The following CHP1 variants were observed in gnomAD, a reference collection of about 807,000 sequenced individuals.
CHP1 encodes the protein calcineurin like EF-hand protein 1.
CHP1 carries 11 observed loss-of-function variants against 27.4 expected under a neutral mutation model. That is an observed-to-expected ratio of 0.40 (90% CI 0.25 to 0.67). The LOEUF (loss-of-function observed/expected upper bound fraction) is 0.67. Among genes scored for constraint, CHP1 ranks in the 30% least tolerant of loss-of-function variants. The probability of loss-of-function intolerance (pLI) is 0.38; values close to 1 mark genes in which losing one functional copy is unlikely to be tolerated. For synonymous variants in CHP1, 89 were observed against 87.4 expected (o/e 1.02, Z -0.10); for missense variants, 169 against 251.3 (o/e 0.67, Z 2.22).
intron 2 of CHP1, among the ~76,000 whole-genome samples, chr15:41,251,856 T>C (rs1034709572): frequency 2.0e-5 from 3 of 151,190 alleles, no homozygotes; most frequent in African/African-American, 7.3e-5. Context: ...TTGCCCAGGC[T>C]GGTCTCGGAC....
chr15:41,238,197 A>G (rs77704143), intron 1 of CHP1, among the ~76,000 whole-genome samples: 4,075 of 151,400 alleles, frequency 0.027, 192 homozygotes, highest in African/African-American at 0.094. Context: ...TCACTCTGTC[A>G]CCCAGGTTGG....
intron 5 of CHP1, among the ~76,000 whole-genome samples, chr15:41,274,870 G>A (rs961190087): frequency 9.6e-5 from 14 of 145,922 alleles, no homozygotes; most frequent in African/African-American, 2.5e-4. Context: ...AGCTCACTGC[G>A]ACCTCCACCT....
At chr15:41,235,368 TA>T (rs1218754962) in intron 1 of CHP1, among the ~76,000 whole-genome samples, 1 of 151,702 alleles carries the variant, frequency 6.6e-6, no homozygotes, top group Non-Finnish European at 1.5e-5. Flanking sequence ...AAAATAAATT[TA>T]AAAAAAATTA....
Position 41,278,815 on chromosome 15 carries a change from A to G in CHP1, c.460A>G (p.Ser154Gly). 6.2e-7 allele frequency: 1 copy of G among 1,614,202 alleles called. No individual in the cohort carries two copies. The part of the protein sequence containing the change: ...GVNISDEQLG[S>G]IADRTIQEAD... ...AAATATCTCAGATGAGCAGCTGGGC[A>G]GCATCGCAGACAGGACCATTCAGGA... Residue 154 changes from serine to glycine, a missense_variant, in exon 6 of 7, where the codon AGC becomes GGC. Coordinates refer to ENST00000334660, the MANE Select transcript of CHP1 (RefSeq NM_007236.5).
In CHP1 at chr15:41,268,707, C is replaced by T. The variant is rs151022047; in HGVS notation, c.350-1850C>T. Among the ~76,000 whole-genome samples, 246 of 149,414 alleles carry T rather than the reference C, an allele frequency of 1.6e-3. 1 individual carries two copies. The highest frequency in any genetic ancestry group is 5.9e-3 in the African/African-American group (238 of 40,618). The stretch of plus-strand genomic sequence containing the variant: ...CTGTAATCCCAGCACTTTGGGAGGC[C>T]GAGGTGGTTAGATCATGCGGTTAGA... On this transcript the variant is annotated intron_variant, in intron 4 of 6. Coordinates refer to ENST00000334660, the MANE Select transcript of CHP1 (RefSeq NM_007236.5).
intron 5 of CHP1, among the ~76,000 whole-genome samples, chr15:41,271,396 C>G (rs2047489046): frequency 6.6e-6 from 1 of 151,934 alleles, no homozygotes; most frequent in African/African-American, 2.4e-5. Context: ...CCACTGCACT[C>G]CAGCCTGAGC....
chr15:41,256,817 T>A, intron 2 of CHP1, 93 bp from the exon 3 acceptor site: 8 of 977,886 alleles, frequency 8.2e-6, no homozygotes, highest in Non-Finnish European at 1.3e-5. Flanking sequence ...GGAGGTAATA[T>A]TCTTGCTAGG....
chr15:41,249,684 G>T (rs1404596504), intron 2 of CHP1, among the ~76,000 whole-genome samples: 1 of 151,860 alleles, frequency 6.6e-6, no homozygotes, highest in Non-Finnish European at 1.5e-5. Flanking sequence ...GTGTTAGCCA[G>T]GATGGTTTTG....
intron 6 of CHP1, 97 bp downstream of exon 6, chr15:41,278,986 G>A: frequency 2.7e-6 from 4 of 1,476,372 alleles, no homozygotes; most frequent in East Asian, 4.7e-5. Context: ...GCCAAGGTGG[G>A]CGGATCACGA....
intron 1 of CHP1, among the ~76,000 whole-genome samples, chr15:41,234,963 GAAATA>G (rs2047269477): frequency 6.6e-6 from 1 of 152,126 alleles, no homozygotes; most frequent in African/African-American, 2.4e-5. Flanking sequence ...CAATTATAAG[GAAATA>G]AAATTTTTAA....
chr15:41,247,861 C>T (rs971060825), intron 2 of CHP1, among the ~76,000 whole-genome samples: 61 of 140,558 alleles, frequency 4.3e-4, no homozygotes, highest in Middle Eastern at 9.0e-3. Flanking sequence ...CCCAGCTACT[C>T]GGGAGGCTGA....
intron 5 of CHP1, among the ~76,000 whole-genome samples, chr15:41,274,321 G>T (rs1315725342): frequency 6.6e-6 from 1 of 152,184 alleles, no homozygotes; most frequent in Non-Finnish European, 1.5e-5. Flanking sequence ...ACTGAGCTGG[G>T]AATGGAGGCC....
intron 1 of CHP1, among the ~76,000 whole-genome samples, chr15:41,237,223 T>C (rs2047282147): frequency 1.3e-5 from 2 of 151,394 alleles, no homozygotes; most frequent in African/African-American, 4.9e-5. Context: ...CTCAGCTCAC[T>C]GCAACCTCCG....
intron 3 of CHP1, among the ~76,000 whole-genome samples, chr15:41,260,694 C>T (rs1182116232): frequency 2.0e-5 from 3 of 151,048 alleles, no homozygotes; most frequent in Admixed American, 1.3e-4. Flanking sequence ...TGTGCCTGGC[C>T]TAAAAGATTA....
At chr15:41,271,393 A>T (rs1187386985) in intron 5 of CHP1, among the ~76,000 whole-genome samples, 1 of 152,096 alleles carries the variant, frequency 6.6e-6, no homozygotes, top group Non-Finnish European at 1.5e-5. Context: ...GTGCCACTGC[A>T]CTCCAGCCTG....
At chr15:41,255,502 AC>A (rs1292421404) in intron 2 of CHP1, among the ~76,000 whole-genome samples, 1 of 149,526 alleles carries the variant, frequency 6.7e-6, no homozygotes, top group Non-Finnish European at 1.5e-5. Flanking sequence ...GTAAAACCCC[AC>A]CTCTACTAAA....
chr15:41,267,443 C>T (rs2047466962), intron 4 of CHP1, among the ~76,000 whole-genome samples: 1 of 151,864 alleles, frequency 6.6e-6, no homozygotes, highest in Non-Finnish European at 1.5e-5. Flanking sequence ...AGGCAGATTG[C>T]TTGAGGTCAG....
rs112881067 is a variant in CHP1 at position 41,232,517 on chromosome 15, AT to A, written c.67+1079del. Among the ~76,000 whole-genome samples, 60 of 147,714 alleles carry A rather than the reference AT, an allele frequency of 4.1e-4. 1 individual carries two copies. Among genetic ancestry groups the A allele is most frequent in the Admixed American group, 6.1e-4 (9 of 14,788 alleles). On this transcript the variant is annotated intron_variant, in intron 1 of 6. Coordinates refer to ENST00000334660, the MANE Select transcript of CHP1 (RefSeq NM_007236.5). ...TGAGCCACCGTGCCCTGCAGAACTG[AT>A]TTTTTTTTTTATAGTCCAGTCTCTT...
intron 2 of CHP1, among the ~76,000 whole-genome samples, chr15:41,255,266 T>C (rs1265023687): frequency 6.6e-6 from 1 of 152,242 alleles, no homozygotes; most frequent in Non-Finnish European, 1.5e-5. Flanking sequence ...TCTGCTTTTC[T>C]TTGTCCTCCA....
Sources: gnomAD v4.1 joint callset for allele counts (sites outside exome capture counted in the v4.1 genomes callset) on GRCh38, gnomAD v4.1.1 for gene constraint, MANE v1.5 for transcripts, NCBI Gene and HGNC (gene_info 2026-07-23, HGNC 2026-07-21) for gene names.